TMEM37: variants seen among roughly 807,000 people sequenced by gnomAD.
The protein encoded by TMEM37 is transmembrane protein 37.
TMEM37 carries 12 observed loss-of-function variants against 11.0 expected under a neutral mutation model. The observed-to-expected ratio is 1.09, with a 90% confidence interval of 0.70 to 1.76. TMEM37 has a LOEUF of 1.76. TMEM37 is among the 40% of genes most tolerant of loss of function. The pLI is 0.00. For missense variants in TMEM37, 203 were observed against 251.2 expected (o/e 0.81, Z 1.30); for synonymous variants, 127 against 110.5 (o/e 1.15, Z -0.94).
chr2:119,433,338 G>C (rs1364212865), intron 1 of TMEM37, among the ~76,000 whole-genome samples: 2 of 152,228 alleles, frequency 1.3e-5, no homozygotes, highest in Non-Finnish European at 2.9e-5. Context: ...TGCAGGCAGC[G>C]GTGGGCCAGG....
chr2:119,437,141 C>G lies in TMEM37; in HGVS notation c.274C>G (p.Arg92Gly), dbSNP rs766556933. The change falls in exon 2 of 2, where the codon CGC (arginine) becomes GGC (glycine). Residue 92 changes from arginine to glycine, a missense_variant. By Grantham distance (125) the Arg-to-Gly change is moderately radical (BLOSUM62 -2). Transcript: ENST00000306406. ...PGLAVGMGLV[R>G]SVGALAVVAA... ...GCTGGCCGTGGGCATGGGCCTGGTA[C>G]GCAGCGTGGGCGCCTTGGCCGTGGT... is the stretch of plus-strand genomic sequence containing the variant. 5.6e-6 allele frequency: 9 copies of G among 1,614,196 alleles called. No homozygotes were observed. The highest frequency in any genetic ancestry group is 5.9e-6 in the Non-Finnish European group (7 of 1,180,036).
chr2:119,431,416 A>G (rs1177005056), upstream of TMEM37, among the ~76,000 whole-genome samples: 1 of 152,186 alleles, frequency 6.6e-6, no homozygotes, highest in African/African-American at 2.4e-5. Context: ...GCCCAAGGTC[A>G]CACCGCAGAG....
Position 119,437,574 on chromosome 2 carries a change from G to A in TMEM37, c.*134G>A, listed in dbSNP as rs941549456. On this transcript the variant is annotated 3_prime_UTR_variant, in exon 2 of 2. Transcript: ENST00000306406. ...GCCTTGAAACGGCTGCCTGTTTGCC[G>A]ATAACTTGTGGGTGGTCAGCCAGAA... The A allele has an allele frequency of 1.6e-5, 19 of 1,224,442 alleles. No homozygotes were observed. Among genetic ancestry groups the A allele is most frequent in the Middle Eastern group, 5.2e-4 (2 of 3,870 alleles). The allele number at this position is 1,224,442 out of a possible 1,614,324, so 75.8% of individuals were successfully genotyped here.
chr2:119,431,800 T>G, upstream of TMEM37: 1 of 858,432 alleles, frequency 1.2e-6, no homozygotes, highest in Non-Finnish European at 1.5e-6. Context: ...CCCGCCCGCC[T>G]CCAGCAGCCG....
intron 1 of TMEM37, among the ~76,000 whole-genome samples, chr2:119,436,131 G>A (rs1345337922): frequency 6.6e-6 from 1 of 152,214 alleles, no homozygotes; most frequent in Non-Finnish European, 1.5e-5. Context: ...CACCTCACTG[G>A]ACACCTAGCC....
Position 119,431,940 on chromosome 2 carries a change from C to T in TMEM37, c.21+16C>T. 1 of 1,221,012 alleles carries T rather than the reference C, an allele frequency of 8.2e-7. No individual in the cohort carries two copies. The highest frequency in any genetic ancestry group is 4.1e-5 in the South Asian group (1 of 24,372). The allele number at this position is 1,221,012 out of a possible 1,614,324, so 75.6% of individuals were successfully genotyped here. ...CGGCGTGCAGGTAGCCGGCGCCTGG[C>T]GGGGCGCTGACCCGGGGTGCTGCCC... On this transcript the variant is annotated intron_variant, in intron 1 of 1. Transcript: ENST00000306406.
chr2:119,431,021 C>A (rs1372439421), upstream of TMEM37, among the ~76,000 whole-genome samples: 2 of 152,106 alleles, frequency 1.3e-5, no homozygotes, highest in Non-Finnish European at 2.9e-5. Context: ...CGCTTGTAAT[C>A]CCAGCTACTC....
Position 119,438,329 on chromosome 2 carries a change from A to G in TMEM37, c.*889A>G, listed in dbSNP as rs1445128183. 1 of 152,198 alleles carries G rather than the reference A, an allele frequency of 6.6e-6. No individual in the cohort carries two copies. The highest frequency in any genetic ancestry group is 1.9e-4 in the East Asian group (1 of 5,182). 9.4% of individuals were successfully genotyped at this position (152,198 alleles called of 1,614,324 possible). A position where few individuals can be genotyped will look rare whatever the true frequency, so the allele number is the denominator to read the frequency against. On this transcript the variant is annotated 3_prime_UTR_variant, in exon 2 of 2. Transcript: ENST00000306406. ...AATCCCAGAACACATTTCAAAGAGC[A>G]CGTATCTAGACCTGCTGGACTCTGC...
upstream of TMEM37, chr2:119,431,762 T>C (rs1682398749): frequency 3.0e-6 from 2 of 658,918 alleles, no homozygotes; most frequent in Non-Finnish European, 4.2e-6. Flanking sequence ...CCGGGGTTAA[T>C]CGCCGAGCTT....
chr2:119,437,095 G>A lies in TMEM37; in HGVS notation c.228G>A (p.Leu76=). ...TTNQTICFRD[L]GQAHVPGLAV... is the part of the protein sequence containing the mutation. ...ACCAGACGATCTGCTTCAGAGACCT[G>A]GGCCAGGCCCATGTGCCCGGGCTGG... is the stretch of plus-strand genomic sequence containing the variant. The change falls in exon 2 of 2, where the codon CTG becomes CTA. Residue 76 remains leucine (L), a synonymous_variant. Transcript: ENST00000306406. The A allele has an allele frequency of 6.2e-7, 1 of 1,613,920 alleles. No individual in the cohort carries two copies. The highest frequency in any genetic ancestry group is 8.5e-7 in the Non-Finnish European group (1 of 1,179,964).
intron 1 of TMEM37, among the ~76,000 whole-genome samples, chr2:119,435,318 G>T (rs886928743): frequency 1.3e-5 from 2 of 152,200 alleles, no homozygotes; most frequent in Non-Finnish European, 1.5e-5. Context: ...GTCTCACACA[G>T]AGAGGAGTGG....
rs1268513923 is a variant in TMEM37 at position 119,431,937 on chromosome 2, T to A, written c.21+13T>A. 1.6e-6 allele frequency: 2 copies of A among 1,222,760 alleles called. No homozygotes were observed. The highest frequency in any genetic ancestry group is 1.6e-5 in the African/African-American group (1 of 63,906). The allele number at this position is 1,222,760 out of a possible 1,614,324, so 75.7% of individuals were successfully genotyped here. ...CGTCGGCGTGCAGGTAGCCGGCGCCTGGCGGGGCGCTGACCCGGGGTGCTG... is the reference window on the plus strand; with the variant it reads ...CGTCGGCGTGCAGGTAGCCGGCGCCAGGCGGGGCGCTGACCCGGGGTGCTG... On this transcript the variant is annotated intron_variant, in intron 1 of 1. Transcript: ENST00000306406.
upstream of TMEM37, chr2:119,430,409 T>C: frequency 2.1e-6 from 1 of 475,870 alleles, no homozygotes; most frequent in South Asian, 1.5e-5. Context: ...GCTGGGTAAG[T>C]GGAGTCCCAG....
chr2:119,432,029 C>T (rs1055008600), intron 1 of TMEM37, 105 bp downstream of exon 1: 1 of 831,212 alleles, frequency 1.2e-6, no homozygotes, highest in Non-Finnish European at 1.6e-6. Context: ...GCGCCGGCGT[C>T]GGGCTGGGGG....
rs758400671 is a variant in TMEM37, at chr2:119,437,456, GC to G, written c.*21del. The G allele has an allele frequency of 6.2e-7, 1 of 1,605,822 alleles. No individual in the cohort carries two copies. Among genetic ancestry groups the G allele is most frequent in the African/African-American group, 1.3e-5 (1 of 74,678 alleles). On this transcript the variant is annotated 3_prime_UTR_variant, in exon 2 of 2. Transcript: ENST00000306406. ...CTGGGAATGACCGTGGAAATTTTAG[GC>G]CCCCTCCAGGGACATCAGATTCCAC...
chr2:119,437,010 G>A lies in TMEM37; in HGVS notation c.143G>A (p.Gly48Glu). The change falls in exon 2 of 2, where the codon GGG becomes GAG. Residue 48 changes from glycine to glutamate, a missense_variant. Transcript: ENST00000306406. ...CTGTCCTCGGTCTCCATTTGTGATG[G>A]GCACTGGCTCCTGGCTGAGGACCGC... ...VVLSSVSICD[G>E]HWLLAEDRLF... 1 of 1,614,254 alleles carries A rather than the reference G, an allele frequency of 6.2e-7. No individual in the cohort carries two copies. Among genetic ancestry groups the A allele is most frequent in the Non-Finnish European group, 8.5e-7 (1 of 1,180,046 alleles).
chr2:119,430,168 A>C (rs1265168490), upstream of TMEM37: 2 of 638,834 alleles, frequency 3.1e-6, no homozygotes, highest in African/African-American at 3.6e-5. Context: ...GGTGGGGGCC[A>C]CGGAGGGAAG....
At chr2:119,433,353 A>C (rs2104736206) in intron 1 of TMEM37, among the ~76,000 whole-genome samples, 1 of 152,358 alleles carries the variant, frequency 6.6e-6, no homozygotes, top group South Asian at 2.1e-4. Context: ...GCCAGGCTGC[A>C]GCTGAGAGGA....
Position 119,437,680 on chromosome 2 carries a change from G to T in TMEM37, c.*240G>T. ...CAGTGCCACCAACTGCACAGGCTTA[G>T]CCAGATGTTGATTTTAGAGGAAGAA... is the stretch of plus-strand genomic sequence containing the variant. On this transcript the variant is annotated 3_prime_UTR_variant, in exon 2 of 2. Coordinates refer to ENST00000306406, the MANE Select transcript of TMEM37 (RefSeq NM_183240.3). 1 of 548,466 alleles carries T rather than the reference G, an allele frequency of 1.8e-6. No individual in the cohort carries two copies. The highest frequency in any genetic ancestry group is 3.2e-6 in the Non-Finnish European group (1 of 314,434). 34.0% of individuals were successfully genotyped at this position (548,466 alleles called of 1,614,324 possible).
Sources: allele counts gnomAD v4.1 joint callset (sites outside exome capture counted in the v4.1 genomes callset), GRCh38; gene constraint gnomAD v4.1.1; transcripts MANE v1.5; gene names NCBI Gene and HGNC (gene_info 2026-07-23, HGNC 2026-07-21).